Variants in UGT1A10 observed in about 807,000 individuals in gnomAD.
UGT1A10 encodes UDP-glucuronosyltransferase 1A10.
In UGT1A10, 49 loss-of-function variants were observed where a neutral mutation model predicts 45.8. The ratio of observed to expected loss-of-function variants is 1.07; its 90% CI spans 0.85 to 1.36. The LOEUF (loss-of-function observed/expected upper bound fraction) is 1.36. Among genes scored for constraint, UGT1A10 ranks in the 40% most tolerant of loss-of-function variants. The pLI, the probability that UGT1A10 is intolerant of heterozygous loss-of-function variation, is 0.00. For missense variants in UGT1A10, 745 were observed against 668.6 expected (o/e 1.11, Z -1.26); for synonymous variants, 284 against 249.7 (o/e 1.14, Z -1.29).
chr2:233,743,264 C>T, intron 1 of UGT1A10: 1 of 454,126 alleles, frequency 2.2e-6, no homozygotes, highest in South Asian at 1.7e-5. Context: ...CCATCTTCCT[C>T]CACTTCCACC....
chr2:233,678,321 G>C (rs1158260801), intron 1 of UGT1A10, among the ~76,000 whole-genome samples: 1 of 152,140 alleles, frequency 6.6e-6, no homozygotes, highest in African/African-American at 2.4e-5. Context: ...AGTTGAGTAT[G>C]TATAAGAGGA....
At chr2:233,685,276 GC>G (rs2074732417) in intron 1 of UGT1A10, among the ~76,000 whole-genome samples, 1 of 152,030 alleles carries the variant, frequency 6.6e-6, no homozygotes, top group African/African-American at 2.4e-5. Flanking sequence ...CAAGTGATCC[GC>G]CCGCCTCCGC....
chr2:233,657,017 A>G (rs375243813), intron 1 of UGT1A10, among the ~76,000 whole-genome samples: 9 of 151,158 alleles, frequency 6.0e-5, no homozygotes, highest in African/African-American at 2.2e-4. Context: ...CTACGTCTTT[A>G]TGAAATCCCT....
Position 233,636,842 on chromosome 2 carries a change from C to G in UGT1A10, c.320C>G (p.Ser107Cys), listed in dbSNP as rs2073304693. The change falls in exon 1 of 5, where the codon TCT (serine) becomes TGT (cysteine). Residue 107 changes from serine to cysteine, a missense_variant. Transcript: ENST00000344644. ...AAAGCACAGGCACAAAGTATATTTT[C>G]TCTATTAATGAGTTCATCCAGTGGT... ...QWKAQAQSIFSLLMSSSSGFL... is the reference protein window; with the variant it reads ...QWKAQAQSIFCLLMSSSSGFL... 2 of 1,614,090 alleles carry G rather than the reference C, an allele frequency of 1.2e-6. No individual in the cohort carries two copies. The highest frequency in any genetic ancestry group is 1.3e-5 in the African/African-American group (1 of 74,934).
chr2:233,649,413 A>G (rs1003095004), intron 1 of UGT1A10, among the ~76,000 whole-genome samples: 1 of 152,220 alleles, frequency 6.6e-6, no homozygotes, highest in Non-Finnish European at 1.5e-5. Context: ...TGAAAATTTC[A>G]TTTTTAACTA....
In UGT1A10 at chr2:233,642,259, G is replaced by A. The variant is rs543537089; in HGVS notation, c.855+4882G>A. Among the ~76,000 whole-genome samples, 103 of 152,212 alleles carry A rather than the reference G, an allele frequency of 6.8e-4. 2 individuals carry two copies. In the Middle Eastern group the frequency reaches 0.02, roughly 30 times the overall value. On this transcript the variant is annotated intron_variant, in intron 1 of 4. Transcript: ENST00000344644. ...TTCAAATGGCCTGTCTTCAAGCTCA[G>A]TAATTATTTCTTGTGTTTGGTCCAT...
At chr2:233,757,710 G>A (rs942741461) in intron 1 of UGT1A10, among the ~76,000 whole-genome samples, 2 of 151,554 alleles carry the variant, frequency 1.3e-5, no homozygotes, top group Admixed American at 6.6e-5. Flanking sequence ...TTTGCTTCCC[G>A]GGAGGGTCCT....
chr2:233,668,054 T>G (rs2074112688), intron 1 of UGT1A10, among the ~76,000 whole-genome samples: 1 of 103,318 alleles, frequency 9.7e-6, no homozygotes, highest in African/African-American at 5.1e-5. Flanking sequence ...TAGTTTACTG[T>G]GCACATTTTT....
At chr2:233,748,875 A>T (rs1329303581) in intron 1 of UGT1A10, among the ~76,000 whole-genome samples, 1 of 151,636 alleles carries the variant, frequency 6.6e-6, no homozygotes, top group Non-Finnish European at 1.5e-5. Flanking sequence ...GGGGACGGTG[A>T]TGAATGGACA....
chr2:233,755,131 T>C (rs1695774627), intron 1 of UGT1A10: 1 of 1,321,048 alleles, frequency 7.6e-7, no homozygotes, highest in African/African-American at 1.5e-5. Flanking sequence ...GCCACCTGCT[T>C]GAATCTTCTC....
intron 1 of UGT1A10, among the ~76,000 whole-genome samples, chr2:233,765,768 G>T (rs35640782): frequency 0.021 from 3,251 of 152,014 alleles, 121 homozygotes; most frequent in African/African-American, 0.073. Flanking sequence ...ATTCTTGGGG[G>T]ATTCATTGGA....
intron 1 of UGT1A10, chr2:233,690,546 T>A (rs527999000): frequency 1.5e-5 from 19 of 1,289,592 alleles, no homozygotes; most frequent in Non-Finnish European, 1.9e-5. Flanking sequence ...CCCACTGGAA[T>A]ATGTCCCAAG....
chr2:233,713,639 C>A (rs772966162), intron 1 of UGT1A10: 2 of 1,613,978 alleles, frequency 1.2e-6, no homozygotes, highest in African/African-American at 2.7e-5. Flanking sequence ...ACATGCTCTA[C>A]CCTCTGGCCC....
intron 1 of UGT1A10, among the ~76,000 whole-genome samples, chr2:233,689,423 G>C (rs2074942211): frequency 6.6e-6 from 1 of 152,216 alleles, no homozygotes; most frequent in African/African-American, 2.4e-5. Flanking sequence ...CTAATGGCTT[G>C]CAAGTAAAGG....
At chr2:233,695,446 G>T (rs1452804624) in intron 1 of UGT1A10, among the ~76,000 whole-genome samples, 1 of 150,492 alleles carries the variant, frequency 6.6e-6, no homozygotes, top group Non-Finnish European at 1.5e-5. Context: ...TTTTTTTTTT[G>T]ATCAACGTGC....
In UGT1A10 at chr2:233,637,386, C is replaced by A; in HGVS notation, c.855+9C>A. On this transcript the variant is annotated intron_variant, in intron 1 of 4. Transcript: ENST00000344644. The stretch of plus-strand genomic sequence containing the variant: ...GAAAGCCATTGCCTATGGTAAGTCA[C>A]CTCTCCTTTAGCACATTAAGAATAA... 1.2e-6 allele frequency: 2 copies of A among 1,609,790 alleles called. No homozygotes were observed. The highest frequency in any genetic ancestry group is 1.7e-6 in the Non-Finnish European group (2 of 1,177,160).
Position 233,644,256 on chromosome 2 carries a change from A to G in UGT1A10, c.855+6879A>G, listed in dbSNP as rs368375335. ...ACCTCTGAGATCAGCAATTTCCCTC[A>G]GCCTAGGGCTGGTTTAAATGCTCCC... On this transcript the variant is annotated intron_variant, in intron 1 of 4. Transcript: ENST00000344644. 4.5e-4 allele frequency among the ~76,000 whole-genome samples: 68 copies of G among 152,256 alleles called. No individual in the cohort carries two copies. The South Asian group carries it at 0.013, about 30-fold the overall frequency.
Position 233,761,237 on chromosome 2 carries a change from G to A in UGT1A10, c.856-5797G>A, listed in dbSNP as rs1002651373. 1.9e-6 allele frequency: 3 copies of A among 1,612,296 alleles called. No homozygotes were observed. The African/African-American group carries it at 4.0e-5, about 22-fold the overall frequency. Reference sequence around the variant, plus strand: ...GATTAACTAGCCCCAGATATATGCTGAGCAAGCATTCTGAGATAATTTAAA... The same window carrying A: ...GATTAACTAGCCCCAGATATATGCTAAGCAAGCATTCTGAGATAATTTAAA... On this transcript the variant is annotated intron_variant, in intron 1 of 4. Coordinates refer to ENST00000344644, the MANE Select transcript of UGT1A10 (RefSeq NM_019075.4).
Position 233,767,883 on chromosome 2 carries a change from A to G in UGT1A10, c.1022A>G (p.Asn341Ser), listed in dbSNP as rs1336725166. 1.2e-6 allele frequency: 2 copies of G among 1,614,150 alleles called. No homozygotes were observed. The highest frequency in any genetic ancestry group is 2.2e-5 in the South Asian group (2 of 91,074). Residue 341 changes from asparagine to serine, a missense_variant, in exon 3 of 5, where the codon AAT (asparagine) becomes AGT (serine). Coordinates refer to ENST00000344644, the MANE Select transcript of UGT1A10 (RefSeq NM_019075.4). ...LWRYTGTRPSNLANNTILVKW... is the reference protein window; with the variant it reads ...LWRYTGTRPSSLANNTILVKW... The stretch of plus-strand genomic sequence containing the variant: ...CGGTACACTGGAACCCGACCATCGA[A>G]TCTTGCGAACAACACGATACTTGTT...
Sources: allele counts gnomAD v4.1 joint callset (sites outside exome capture counted in the v4.1 genomes callset), GRCh38; gene constraint gnomAD v4.1.1; transcripts MANE v1.5; gene names NCBI Gene and HGNC (gene_info 2026-07-23, HGNC 2026-07-21).